INVS: variants seen among roughly 807,000 people sequenced by gnomAD.
The protein encoded by INVS is inversin, also known as inversion of embryo turning homolog.
In INVS, 86 loss-of-function variants were observed where a neutral mutation model predicts 108.8. The ratio of observed to expected loss-of-function variants is 0.79; its 90% CI spans 0.66 to 0.95. INVS has a LOEUF of 0.95. Ranked by LOEUF, INVS falls within the 40% of genes least tolerant of loss-of-function variation. INVS has a pLI of 0.00. For missense variants in INVS, 1,169 were observed against 1,297.4 expected (o/e 0.90, Z 1.52); for synonymous variants, 455 against 473.5 (o/e 0.96, Z 0.51).
At chr9:100,177,190 C>A (rs375177826) in intron 3 of INVS, among the ~76,000 whole-genome samples, 1 of 152,010 alleles carries the variant, frequency 6.6e-6, no homozygotes, top group East Asian at 1.9e-4. Flanking sequence ...AGCAAAAAAC[C>A]GGGCGGCCAT....
chr9:100,150,775 G>A (rs7028564), intron 3 of INVS, among the ~76,000 whole-genome samples: 31,929 of 151,882 alleles, frequency 0.21, 5,708 homozygotes, highest in African/African-American at 0.49. Context: ...ACTTGGGCAC[G>A]ACATTTTTCC....
At chr9:100,252,506 A>G in intron 9 of INVS, 68 bp downstream of exon 9, 1 of 1,427,062 alleles carries the variant, frequency 7.0e-7, no homozygotes, top group Non-Finnish European at 9.8e-7. Flanking sequence ...ACTCTGTTTA[A>G]GATAAAGCTT....
At chr9:100,113,040 A>G (rs745846618) in intron 2 of INVS, among the ~76,000 whole-genome samples, 1 of 152,248 alleles carries the variant, frequency 6.6e-6, no homozygotes, top group Non-Finnish European at 1.5e-5. Context: ...TCATTATGGC[A>G]TATTCTCTAT....
At chr9:100,251,000 C>T (rs191048103) in intron 8 of INVS, among the ~76,000 whole-genome samples, 485 of 152,056 alleles carry the variant, frequency 3.2e-3, no homozygotes, top group Admixed American at 7.7e-3. Context: ...GCTCAAAATA[C>T]GCTGTCTTTT....
intron 4 of INVS, among the ~76,000 whole-genome samples, chr9:100,227,001 C>A (rs1831348862): frequency 6.6e-6 from 1 of 152,104 alleles, no homozygotes; most frequent in African/African-American, 2.4e-5. Flanking sequence ...AACCCAGAAT[C>A]CACTACTTAA....
chr9:100,145,392 G>A (rs1828569416), intron 3 of INVS, among the ~76,000 whole-genome samples: 1 of 151,358 alleles, frequency 6.6e-6, no homozygotes, highest in Admixed American at 6.6e-5. Context: ...GGGGTGCAGA[G>A]ATAAGAAGTC....
intron 3 of INVS, among the ~76,000 whole-genome samples, chr9:100,169,939 C>G (rs1176501885): frequency 1.3e-5 from 2 of 152,020 alleles, no homozygotes; most frequent in Admixed American, 1.3e-4. Context: ...CCCTTCAAAC[C>G]CTGAGGTCCA....
At chr9:100,224,576 G>T (rs1011907108) in intron 3 of INVS, among the ~76,000 whole-genome samples, 1 of 152,034 alleles carries the variant, frequency 6.6e-6, no homozygotes, top group African/African-American at 2.4e-5. Flanking sequence ...TGGTTGGCCT[G>T]GCTCATTAAC....
chr9:100,113,831 A>G (rs1827422112), intron 2 of INVS, among the ~76,000 whole-genome samples: 1 of 152,166 alleles, frequency 6.6e-6, no homozygotes, highest in Non-Finnish European at 1.5e-5. Flanking sequence ...CTTATTCCTT[A>G]TATCTAACTG....
Position 100,276,439 on chromosome 9 carries a change from T to G in INVS, c.1784+3363T>G, listed in dbSNP as rs1187210020. Among the ~76,000 whole-genome samples, 3 of 152,348 alleles carry G rather than the reference T, an allele frequency of 2.0e-5. No individual in the cohort carries two copies. The East Asian group carries it at 5.8e-4, about 29-fold the overall frequency. On this transcript the variant is annotated intron_variant, in intron 12 of 16. Coordinates refer to ENST00000262457, the MANE Select transcript of INVS (RefSeq NM_014425.5). Reference sequence around the variant, plus strand: ...ATGTGCTTGCTAGTGCTGCTACCATTGATTGTATGCATTCCCCCTTTGATA... The same window carrying G: ...ATGTGCTTGCTAGTGCTGCTACCATGGATTGTATGCATTCCCCCTTTGATA...
In INVS at chr9:100,100,049, G is replaced by A. The variant is rs143943894; in HGVS notation, c.-25+633G>A. On this transcript the variant is annotated intron_variant, in intron 1 of 16. Coordinates refer to ENST00000262457, the MANE Select transcript of INVS (RefSeq NM_014425.5). ...AATCAGAATTACTCTTCCTATGAGT[G>A]TGACTGCAGTACCTCTAGTTTTGTA... 1.1e-4 allele frequency among the ~76,000 whole-genome samples: 17 copies of A among 152,236 alleles called. 1 individual carries two copies. The East Asian group carries it at 3.3e-3, about 29-fold the overall frequency.
intron 3 of INVS, chr9:100,175,949 G>A (rs1254201297): frequency 3.5e-6 from 2 of 572,822 alleles, no homozygotes; most frequent in African/African-American, 1.9e-5. Flanking sequence ...GGAAACTGCT[G>A]AAGAAAGCTA....
At chr9:100,249,230 C>T (rs1012543149) in intron 8 of INVS, among the ~76,000 whole-genome samples, 3 of 152,196 alleles carry the variant, frequency 2.0e-5, no homozygotes, top group East Asian at 1.9e-4. Flanking sequence ...CTGTCTATTC[C>T]CTCAGCTAAG....
intron 4 of INVS, among the ~76,000 whole-genome samples, chr9:100,226,838 A>C (rs2118409079): frequency 6.8e-6 from 1 of 146,710 alleles, no homozygotes; most frequent in East Asian, 2.0e-4. Flanking sequence ...AAAAAAAATC[A>C]GTCCTGTCTT....
intron 3 of INVS, among the ~76,000 whole-genome samples, chr9:100,213,438 T>C (rs1371711369): frequency 6.6e-6 from 1 of 152,064 alleles, no homozygotes; most frequent in African/African-American, 2.4e-5. Flanking sequence ...ACTCCTGGGC[T>C]CGAGTGATCT....
intron 3 of INVS, among the ~76,000 whole-genome samples, chr9:100,160,975 A>G (rs79061716): frequency 1.4e-5 from 2 of 145,290 alleles, no homozygotes; most frequent in African/African-American, 5.4e-5. Context: ...AAAAAAAAAA[A>G]AGCTCTGTTG....
chr9:100,206,885 T>C (rs1830691405), intron 3 of INVS, among the ~76,000 whole-genome samples: 3 of 152,234 alleles, frequency 2.0e-5, no homozygotes, highest in Admixed American at 1.3e-4. Flanking sequence ...GCCAGTTAAA[T>C]TGTACAGTAG....
rs968488336 is a variant in INVS, at chr9:100,284,312, G to T, written c.1785-8G>T. The T allele has an allele frequency of 2.5e-6, 4 of 1,613,188 alleles. No homozygotes were observed. The highest frequency in any genetic ancestry group is 3.4e-6 in the Non-Finnish European group (4 of 1,180,032). Reference sequence around the variant, plus strand: ...TTTTTTCATCTTCTTCTTTGGCTTTGCTTCCAGAAAGCGAGAGGAAGAAAA... The same window carrying T: ...TTTTTTCATCTTCTTCTTTGGCTTTTCTTCCAGAAAGCGAGAGGAAGAAAA... On this transcript the variant is annotated splice_region_variant and splice_polypyrimidine_tract_variant and intron_variant, in intron 12 of 16. Transcript: ENST00000262457.
intron 3 of INVS, among the ~76,000 whole-genome samples, chr9:100,193,456 T>G (rs1830285028): frequency 6.6e-6 from 1 of 152,182 alleles, no homozygotes; most frequent in Non-Finnish European, 1.5e-5. Flanking sequence ...TTCTGCGTAT[T>G]TAGTATTTTC....
Sources: allele counts gnomAD v4.1 joint callset (sites outside exome capture counted in the v4.1 genomes callset), GRCh38; gene constraint gnomAD v4.1.1; transcripts MANE v1.5; gene names NCBI Gene and HGNC (gene_info 2026-07-23, HGNC 2026-07-21).